The following RBM6 variants were observed in gnomAD, a reference collection of about 807,000 sequenced individuals.
RBM6 encodes RNA-binding protein 6.
In RBM6, 23 loss-of-function variants were observed where a neutral mutation model predicts 140.4. The observed-to-expected ratio is 0.16, with a 90% confidence interval of 0.12 to 0.23. The LOEUF (loss-of-function observed/expected upper bound fraction) is 0.23. Ranked by LOEUF, RBM6 falls within the 10% of genes least tolerant of loss-of-function variation. The pLI, the probability that RBM6 is intolerant of heterozygous loss-of-function variation, is 1.00. For synonymous variants in RBM6, 439 were observed against 475.6 expected (o/e 0.92, Z 1.00); for missense variants, 1,139 against 1,386.7 (o/e 0.82, Z 2.84).
chr3:49,997,648 C>G (rs2086149040), intron 5 of RBM6, among the ~76,000 whole-genome samples: 1 of 152,166 alleles, frequency 6.6e-6, no homozygotes, highest in African/African-American at 2.4e-5. Context: ...CCATGGCTAA[C>G]CCTTTCTGAT....
chr3:49,953,812 G>A (rs915177950), intron 1 of RBM6, among the ~76,000 whole-genome samples: 2 of 152,012 alleles, frequency 1.3e-5, no homozygotes, highest in South Asian at 2.1e-4. Flanking sequence ...GAGCCACCAC[G>A]CCTAGCTGGA....
chr3:49,946,651 T>G (rs1284412058), intron 1 of RBM6, among the ~76,000 whole-genome samples: 1 of 152,070 alleles, frequency 6.6e-6, no homozygotes, highest in South Asian at 2.1e-4. Flanking sequence ...TTCTTGTGCC[T>G]CAGCCTCCCG....
chr3:49,958,155 G>A (rs547467509), intron 1 of RBM6, among the ~76,000 whole-genome samples: 35 of 152,334 alleles, frequency 2.3e-4, no homozygotes, highest in African/African-American at 8.2e-4. Flanking sequence ...GCCGGGCGCA[G>A]TGGCTCACGC....
chr3:49,991,865 A>G (rs1308556661), intron 5 of RBM6, among the ~76,000 whole-genome samples: 1 of 152,174 alleles, frequency 6.6e-6, no homozygotes, highest in Non-Finnish European at 1.5e-5. Context: ...GTTTGCTGTC[A>G]TCCTGAGCAA....
chr3:49,957,945 C>T (rs2084076794), intron 1 of RBM6, among the ~76,000 whole-genome samples: 1 of 151,756 alleles, frequency 6.6e-6, no homozygotes, highest in African/African-American at 2.4e-5. Flanking sequence ...GATTTTCTTG[C>T]CTCAGGCTCC....
intron 6 of RBM6, among the ~76,000 whole-genome samples, chr3:50,012,122 G>C (rs944129147): frequency 1.3e-5 from 2 of 152,086 alleles, no homozygotes; most frequent in African/African-American, 2.4e-5. Context: ...AAAGTGCTGG[G>C]ATTACAGGTG....
In RBM6 at chr3:49,968,257, A is replaced by G. The variant is rs767047990; in HGVS notation, c.832A>G (p.Met278Val). The change falls in exon 3 of 21, where the codon ATG becomes GTG. Residue 278 changes from methionine (M) to valine (V), a missense_variant. Met to Val is a conservative substitution (Grantham distance 21, BLOSUM62 1). This residue lies in a region of RBM6 where 566 missense variants were observed against 612.7 expected (regional missense o/e 0.92). Coordinates refer to ENST00000266022, the MANE Select transcript of RBM6 (RefSeq NM_005777.3). Reference sequence around the variant, plus strand: ...TAGGGGCAGAGAGATGGGATCTTGTATGGAATTTAAAGATAGGGAGATGCC... The same window carrying G: ...TAGGGGCAGAGAGATGGGATCTTGTGTGGAATTTAAAGATAGGGAGATGCC... Reference protein sequence around the residue: ...DFRGREMGSCMEFKDREMPPV... With the variant: ...DFRGREMGSCVEFKDREMPPV... 2 of 1,614,178 alleles carry G rather than the reference A, an allele frequency of 1.2e-6. No individual in the cohort carries two copies. The highest frequency in any genetic ancestry group is 1.3e-5 in the African/African-American group (1 of 75,038).
intron 1 of RBM6, among the ~76,000 whole-genome samples, chr3:49,950,176 T>C (rs1488369288): frequency 6.6e-6 from 1 of 152,118 alleles, no homozygotes; most frequent in African/African-American, 2.4e-5. Context: ...AACCCTTGCT[T>C]CTTGGTGTCT....
intron 13 of RBM6, 78 bp downstream of exon 13, chr3:50,061,299 A>G: frequency 1.2e-6 from 2 of 1,605,906 alleles, no homozygotes; most frequent in Non-Finnish European, 1.7e-6. Context: ...GTGTGATCAC[A>G]GTTGGCAAGA....
In RBM6 at chr3:49,985,630, A is replaced by G. The variant is rs533058785; in HGVS notation, c.1483+10238A>G. The stretch of plus-strand genomic sequence containing the variant: ...TTTATTTTTATTTTTATTTTGAGAT[A>G]GAGCCTCACTCTGTCGCCCAGGCTG... On this transcript the variant is annotated intron_variant, in intron 5 of 20. Transcript: ENST00000266022. Among the ~76,000 whole-genome samples, 18 of 152,220 alleles carry G rather than the reference A, an allele frequency of 1.2e-4. No homozygotes were observed. The East Asian group carries it at 2.3e-3, about 20-fold the overall frequency.
At position 50,062,062 on chromosome 3, in the gene RBM6, T is replaced by C; in HGVS notation, c.2540T>C (p.Met847Thr). The change falls in exon 15 of 21, where the codon ATG (methionine) becomes ACG (threonine). Residue 847 changes from methionine to threonine, a missense_variant. Met to Thr is a moderately conservative substitution (Grantham distance 81). Coordinates refer to ENST00000266022, the MANE Select transcript of RBM6 (RefSeq NM_005777.3). Reference protein sequence around the residue: ...SQGKSSSKKEMSKRDGKEKKD... With the variant: ...SQGKSSSKKETSKRDGKEKKD... Reference sequence around the variant, plus strand: ...GGAAAGTCAAGTAGCAAGAAGGAAATGTCTAAAAGAGATGGCAAGGAGAAA... The same window carrying C: ...GGAAAGTCAAGTAGCAAGAAGGAAACGTCTAAAAGAGATGGCAAGGAGAAA... The C allele has an allele frequency of 6.2e-7, 1 of 1,613,560 alleles. No individual in the cohort carries two copies. Among genetic ancestry groups the C allele is most frequent in the Non-Finnish European group, 8.5e-7 (1 of 1,179,880 alleles).
rs757241236 is a variant in RBM6 at position 50,058,017 on chromosome 3, C to T, written c.1969+14C>T. The stretch of plus-strand genomic sequence containing the variant: ...GAGAGAGCAAAAGTAAGTAGTTTGT[C>T]AGGGCACATACCAGACTGTGATCAT... On this transcript the variant is annotated intron_variant, in intron 9 of 20. Transcript: ENST00000266022. 1 of 1,610,018 alleles carries T rather than the reference C, an allele frequency of 6.2e-7. No homozygotes were observed. The highest frequency in any genetic ancestry group is 8.5e-7 in the Non-Finnish European group (1 of 1,178,600).
Position 49,972,145 on chromosome 3 carries a change from A to C in RBM6, c.1410A>C (p.Glu470Asp). The part of the protein sequence containing the change: ...LSGVPEDATK[E>D]EILNAFRTPD... The stretch of plus-strand genomic sequence containing the variant: ...GGGTACCTGAAGATGCCACAAAAGA[A>C]GAGGTAAGGCATGTCTTCTCTCCTG... Residue 470 changes from glutamate (E) to aspartate (D), a missense_variant, in exon 4 of 21, where the codon GAA becomes GAC. Physicochemically the swap from Glu to Asp is conservative, Grantham distance 45. Coordinates refer to ENST00000266022, the MANE Select transcript of RBM6 (RefSeq NM_005777.3). The C allele has an allele frequency of 6.2e-7, 1 of 1,607,190 alleles. No homozygotes were observed.
chr3:50,016,672 TTTTG>T (rs937249784), intron 6 of RBM6, among the ~76,000 whole-genome samples: 21 of 151,994 alleles, frequency 1.4e-4, no homozygotes, highest in African/African-American at 3.6e-4. Flanking sequence ...CTCATTATGG[TTTTG>T]TTTGTTTGTT....
At chr3:49,957,525 A>G (rs1406885253) in intron 1 of RBM6, among the ~76,000 whole-genome samples, 7 of 152,180 alleles carry the variant, frequency 4.6e-5, no homozygotes, top group Non-Finnish European at 7.4e-5. Context: ...TTCTAAAGAT[A>G]TGTTCTTTGC....
At chr3:50,032,033 T>A (rs946951290) in intron 6 of RBM6, among the ~76,000 whole-genome samples, 19 of 152,322 alleles carry the variant, frequency 1.2e-4, no homozygotes, top group Non-Finnish European at 2.5e-4. Flanking sequence ...TACTTCTAGT[T>A]ATGTTCAGTT....
At chr3:50,050,452 A>G (rs969276014) in intron 7 of RBM6, among the ~76,000 whole-genome samples, 4 of 152,088 alleles carry the variant, frequency 2.6e-5, no homozygotes, top group Non-Finnish European at 4.4e-5. Context: ...CCATTCCTCA[A>G]TTGATGGACA....
chr3:50,050,899 G>A lies in RBM6; in HGVS notation c.1632+2580G>A, dbSNP rs76856363. Among the ~76,000 whole-genome samples the A allele has an allele frequency of 7.9e-5, 12 of 152,048 alleles. 1 individual carries two copies. The East Asian group carries it at 2.1e-3, about 27-fold the overall frequency. The stretch of plus-strand genomic sequence containing the variant: ...TGTTCAACCAAGTCCTCTGCCCTTT[G>A]GAATTGATTTGCATGTATTTTTGTT... On this transcript the variant is annotated intron_variant, in intron 7 of 20. Coordinates refer to ENST00000266022, the MANE Select transcript of RBM6 (RefSeq NM_005777.3).
chr3:50,013,845 C>T (rs1368252402), intron 6 of RBM6, among the ~76,000 whole-genome samples: 1 of 152,158 alleles, frequency 6.6e-6, no homozygotes, highest in Non-Finnish European at 1.5e-5. Flanking sequence ...ACAGGGGCTT[C>T]AAGCAGTGAT....
Sources: allele counts gnomAD v4.1 joint callset (sites outside exome capture counted in the v4.1 genomes callset), GRCh38; gene constraint gnomAD v4.1.1; regional missense constraint gnomAD v4.1.1; transcripts MANE v1.5; gene names NCBI Gene and HGNC (gene_info 2026-07-23, HGNC 2026-07-21).